The following ITFG1 variants were observed in gnomAD, a reference collection of about 807,000 sequenced individuals.
ITFG1 encodes integrin alpha FG-GAP repeat containing 1.
A neutral mutation model predicts 81.8 loss-of-function variants in ITFG1; 34 were observed. The ratio of observed to expected loss-of-function variants is 0.42; its 90% CI spans 0.32 to 0.55. The LOEUF (loss-of-function observed/expected upper bound fraction) is 0.55. ITFG1 is among the 20% of genes least tolerant of loss of function. The probability of loss-of-function intolerance (pLI) is 0.17; values close to 1 mark genes in which losing one functional copy is unlikely to be tolerated. For missense variants in ITFG1, 672 were observed against 755.4 expected (o/e 0.89, Z 1.29); for synonymous variants, 285 against 270.6 (o/e 1.05, Z -0.52).
intron 10 of ITFG1, among the ~76,000 whole-genome samples, chr16:47,280,195 T>C (rs555591041): frequency 2.5e-4 from 38 of 152,282 alleles, no homozygotes; most frequent in African/African-American, 9.1e-4. Flanking sequence ...TTATTCTCAG[T>C]ATTAGAGAAA....
chr16:47,357,484 G>A (rs1032656213), intron 8 of ITFG1, among the ~76,000 whole-genome samples: 4 of 151,708 alleles, frequency 2.6e-5, no homozygotes, highest in Non-Finnish European at 5.9e-5. Flanking sequence ...GCGTGGTGGT[G>A]GGCACCTGTA....
At chr16:47,384,676 T>A (rs1439303264) in intron 6 of ITFG1, among the ~76,000 whole-genome samples, 1 of 152,184 alleles carries the variant, frequency 6.6e-6, no homozygotes, top group Non-Finnish European at 1.5e-5. Context: ...TAAAATGATG[T>A]GAAAGAATGA....
At chr16:47,389,774 A>G (rs772249117) in intron 6 of ITFG1, among the ~76,000 whole-genome samples, 7 of 152,206 alleles carry the variant, frequency 4.6e-5, no homozygotes, top group Non-Finnish European at 7.3e-5. Flanking sequence ...TATAGCAACC[A>G]CTAATCAAAA....
intron 6 of ITFG1, among the ~76,000 whole-genome samples, chr16:47,424,124 T>C (rs1041541902): frequency 6.7e-6 from 1 of 148,972 alleles, no homozygotes; most frequent in African/African-American, 2.5e-5. Flanking sequence ...GCTTTGTTCA[T>C]TTCTTTTTAC....
intron 14 of ITFG1, among the ~76,000 whole-genome samples, chr16:47,216,788 A>C (rs1004429634): frequency 7.3e-5 from 11 of 151,624 alleles, no homozygotes; most frequent in African/African-American, 2.4e-4. Context: ...CAGCCTCCTG[A>C]GTAGCTGGAA....
chr16:47,262,555 G>A (rs1966223091), intron 10 of ITFG1, among the ~76,000 whole-genome samples: 1 of 152,198 alleles, frequency 6.6e-6, no homozygotes, highest in Non-Finnish European at 1.5e-5. Context: ...ATTTGAGTGA[G>A]CATGCATCCT....
intron 14 of ITFG1, among the ~76,000 whole-genome samples, chr16:47,171,019 G>C (rs1964952726): frequency 6.9e-6 from 1 of 144,348 alleles, no homozygotes; most frequent in Admixed American, 7.4e-5. Flanking sequence ...ACAAGCATGA[G>C]CCACTGTGCC....
intron 12 of ITFG1, among the ~76,000 whole-genome samples, chr16:47,254,592 CTATTT>C (rs1966118750): frequency 6.6e-6 from 1 of 152,144 alleles, no homozygotes; most frequent in African/African-American, 2.4e-5. Flanking sequence ...CAATCACATT[CTATTT>C]TAAGAGTATA....
At chr16:47,336,629 CGGCATATAAGGCACT>C (rs1967707023) in intron 8 of ITFG1, among the ~76,000 whole-genome samples, 1 of 152,126 alleles carries the variant, frequency 6.6e-6, no homozygotes, top group South Asian at 2.1e-4. Flanking sequence ...AGTCATACAA[CGGCATATAAGGCACT>C]GGAGAAAAAG....
rs1204391762 is a variant in ITFG1 at position 47,172,084 on chromosome 16, C to T, written c.1454-9420G>A. ...CCCCAACACTCCCAAATGTATAATT[C>T]CAGCATAGACTGCCAGTCTCTGAAC... On this transcript the variant is annotated intron_variant, in intron 14 of 17. Coordinates refer to ENST00000320640, the MANE Select transcript of ITFG1 (RefSeq NM_030790.5). Among the ~76,000 whole-genome samples the T allele has an allele frequency of 2.0e-5, 3 of 152,106 alleles. No homozygotes were observed. The East Asian group carries it at 5.8e-4, about 29-fold the overall frequency.
chr16:47,245,706 A>G (rs967489153), intron 12 of ITFG1, among the ~76,000 whole-genome samples: 3 of 152,232 alleles, frequency 2.0e-5, no homozygotes, highest in Admixed American at 6.5e-5. Flanking sequence ...AAACATCTAA[A>G]AAGACCATTT....
intron 6 of ITFG1, among the ~76,000 whole-genome samples, chr16:47,391,257 T>C (rs1386641440): frequency 1.3e-5 from 2 of 152,142 alleles, no homozygotes; most frequent in Non-Finnish European, 2.9e-5. Context: ...TTATACACAG[T>C]GTACATTTGA....
chr16:47,202,587 T>TA (rs200638950), intron 14 of ITFG1, among the ~76,000 whole-genome samples: 16,503 of 145,810 alleles, frequency 0.11, 1,187 homozygotes, highest in Non-Finnish European at 0.15. Flanking sequence ...AGGTGTAACT[T>TA]AAAAAAAAAA....
At chr16:47,271,644 G>C (rs1430050757) in intron 10 of ITFG1, among the ~76,000 whole-genome samples, 3 of 152,218 alleles carry the variant, frequency 2.0e-5, no homozygotes, top group African/African-American at 7.2e-5. Flanking sequence ...TGGATCACGA[G>C]GTCAGGAGAT....
chr16:47,387,554 C>G (rs531570525), intron 6 of ITFG1, among the ~76,000 whole-genome samples: 1 of 152,226 alleles, frequency 6.6e-6, no homozygotes, highest in African/African-American at 2.4e-5. Flanking sequence ...GAACCTCACC[C>G]AGGCCCCACC....
At chr16:47,382,588 T>C (rs936978323) in intron 6 of ITFG1, among the ~76,000 whole-genome samples, 17 of 137,286 alleles carry the variant, frequency 1.2e-4, no homozygotes, top group African/African-American at 4.4e-4. Flanking sequence ...AAATCACTAA[T>C]GGTAACAATG....
intron 8 of ITFG1, among the ~76,000 whole-genome samples, chr16:47,350,792 G>A (rs950077754): frequency 2.6e-5 from 4 of 152,174 alleles, no homozygotes; most frequent in African/African-American, 4.8e-5. Context: ...TATCCCTGAT[G>A]AGCATCGATG....
chr16:47,440,689 G>A lies in ITFG1; in HGVS notation c.560+10707C>T, dbSNP rs146639763. The stretch of plus-strand genomic sequence containing the variant: ...ATCTCTGGGACACATTCAAAGCCGT[G>A]TGTAGAGGGAAATTTATAGCACTAA... On this transcript the variant is annotated intron_variant, in intron 5 of 17. Coordinates refer to ENST00000320640, the MANE Select transcript of ITFG1 (RefSeq NM_030790.5). Among the ~76,000 whole-genome samples, 21 of 152,214 alleles carry A rather than the reference G, an allele frequency of 1.4e-4. No individual in the cohort carries two copies. In the East Asian group the frequency reaches 3.7e-3, roughly 27 times the overall value.
intron 10 of ITFG1, 134 bp downstream of exon 10, chr16:47,311,106 G>A: frequency 1.9e-6 from 1 of 532,932 alleles, no homozygotes; most frequent in East Asian, 3.4e-5. Context: ...TTTAAAAACA[G>A]GAACTGAGCT....
Sources: allele counts gnomAD v4.1 joint callset (sites outside exome capture counted in the v4.1 genomes callset), GRCh38; gene constraint gnomAD v4.1.1; transcripts MANE v1.5; gene names NCBI Gene and HGNC (gene_info 2026-07-23, HGNC 2026-07-21).